SLC60A2: variants seen among roughly 807,000 people sequenced by gnomAD.
SLC60A2 encodes the protein major facilitator superfamily domain containing 4B.
chr6:111,271,102 G>A, the SLC60A2 span: 4 of 148,178 alleles, frequency 2.7e-5, no homozygotes, highest in East Asian at 4.0e-4. Context: ...GAGGCCGGGT[G>A]CGGTGGCTCA....
chr6:111,261,177 T>C, the SLC60A2 span, among the ~76,000 whole-genome samples: 1 of 152,248 alleles, frequency 6.6e-6, no homozygotes, highest in Admixed American at 6.5e-5. Context: ...TCTGATGGCG[T>C]GGAAGAAAAG....
chr6:111,276,043 A>G, the SLC60A2 span, among the ~76,000 whole-genome samples: 1 of 152,204 alleles, frequency 6.6e-6, no homozygotes, highest in South Asian at 2.1e-4. Context: ...TCCTTTCATT[A>G]CTAGCTTCTT....
chr6:111,261,603 A>G, the SLC60A2 span, among the ~76,000 whole-genome samples: 8 of 151,332 alleles, frequency 5.3e-5, no homozygotes, highest in Non-Finnish European at 7.4e-5. Context: ...TAATTAATTT[A>G]TTCTTTCTGA....
the SLC60A2 span, chr6:111,262,236 T>A: frequency 6.3e-7 from 1 of 1,599,306 alleles, no homozygotes; most frequent in Non-Finnish European, 8.5e-7. Flanking sequence ...AAGTAAAAAC[T>A]TTTGTCTTTT....
the SLC60A2 span, chr6:111,265,538 TAAA>T: frequency 2.2e-5 from 4 of 181,574 alleles, no homozygotes; most frequent in Middle Eastern, 2.6e-3. Context: ...AATATATATT[TAAA>T]ATATTAATAT....
the SLC60A2 span, chr6:111,278,360 G>GT: frequency 6.6e-6 from 1 of 152,116 alleles, no homozygotes; most frequent in Non-Finnish European, 1.5e-5. Flanking sequence ...AGGTTTTATT[G>GT]TTTTTTAGAT....
the SLC60A2 span, chr6:111,259,478 G>A: frequency 4.2e-6 from 2 of 479,828 alleles, no homozygotes; most frequent in Non-Finnish European, 7.4e-6. Flanking sequence ...TCTTCTCGGA[G>A]CTCCAGAAGT....
At chr6:111,268,878 ACT>A in the SLC60A2 span, 1 of 152,208 alleles carries the variant, frequency 6.6e-6, no homozygotes, top group Non-Finnish European at 1.5e-5. Context: ...CAGAAAGGGT[ACT>A]TCATATATAT....
the SLC60A2 span, chr6:111,266,804 C>T: frequency 6.2e-7 from 1 of 1,613,834 alleles, no homozygotes; most frequent in East Asian, 2.2e-5. Flanking sequence ...CTCTTGATCG[C>T]CAGCGAAAAG....
chr6:111,264,769 C>CA, the SLC60A2 span, among the ~76,000 whole-genome samples: 1 of 138,904 alleles, frequency 7.2e-6, no homozygotes, highest in Non-Finnish European at 1.5e-5. Context: ...GCCTGGGTGA[C>CA]AGAGTGAGAC....
At chr6:111,273,117 T>A in the SLC60A2 span, among the ~76,000 whole-genome samples, 2 of 152,160 alleles carry the variant, frequency 1.3e-5, no homozygotes, top group African/African-American at 2.4e-5. Context: ...GAAATGATTA[T>A]ATTTTGGTCA....
the SLC60A2 span, chr6:111,267,287 T>C: frequency 3.6e-4 from 215 of 592,026 alleles, no homozygotes; most frequent in African/African-American, 3.7e-3. Flanking sequence ...CCCAGAGTCT[T>C]CCATAAATAA....
chr6:111,259,719 C>T, the SLC60A2 span: 463 of 1,596,218 alleles, frequency 2.9e-4, 1 homozygote, highest in African/African-American at 5.5e-3. Flanking sequence ...TGCCTCCTTC[C>T]TGGGGCTGGT....
chr6:111,270,778 G>C, the SLC60A2 span: 1 of 152,050 alleles, frequency 6.6e-6, no homozygotes. Context: ...CCAGGAGGCG[G>C]AGCTTGCAGT....
the SLC60A2 span, among the ~76,000 whole-genome samples, chr6:111,264,384 A>G: frequency 6.6e-6 from 1 of 151,632 alleles, no homozygotes; most frequent in African/African-American, 2.4e-5. Flanking sequence ...CCTGACTTCC[A>G]AGCCAAGAGA....
At chr6:111,272,588 T>C in the SLC60A2 span, among the ~76,000 whole-genome samples, 2 of 151,022 alleles carry the variant, frequency 1.3e-5, no homozygotes, top group Non-Finnish European at 2.9e-5. Context: ...CTCTGCTCAC[T>C]GCAACCTCTG....
the SLC60A2 span, among the ~76,000 whole-genome samples, chr6:111,262,794 C>CA: frequency 6.6e-6 from 1 of 152,146 alleles, no homozygotes; most frequent in Non-Finnish European, 1.5e-5. Context: ...TGAACCTGCC[C>CA]AGGCTACACC....
chr6:111,274,756 T>TTCTTGTAAGGCTGG, the SLC60A2 span, among the ~76,000 whole-genome samples: 1 of 152,344 alleles, frequency 6.6e-6, no homozygotes, highest in East Asian at 1.9e-4. Context: ...TATTAAGCAT[T>TTCTTGTAAGGCTGG]TCTTGTAAGG....
At chr6:111,274,200 A>G in the SLC60A2 span, among the ~76,000 whole-genome samples, 2 of 152,132 alleles carry the variant, frequency 1.3e-5, no homozygotes, top group African/African-American at 4.8e-5. Context: ...TGTTCGGTGC[A>G]TATATATTTA....
Sources: allele counts gnomAD v4.1 joint callset (sites outside exome capture counted in the v4.1 genomes callset), GRCh38; gene constraint gnomAD v4.1.1; transcripts MANE v1.5; gene names NCBI Gene and HGNC (gene_info 2026-07-23, HGNC 2026-07-21).